Variants in NHS observed in about 807,000 individuals in gnomAD.
NHS encodes actin remodeling regulator NHS.
In NHS, 5 loss-of-function variants were observed where a neutral mutation model predicts 72.5. The observed-to-expected ratio is 0.07, with a 90% confidence interval of 0.04 to 0.14. The LOEUF (loss-of-function observed/expected upper bound fraction) is 0.14, where lower values mean the gene tolerates loss of function less well. Among genes scored for constraint, NHS ranks in the 10% least tolerant of loss-of-function variants. NHS has a pLI of 1.00. For missense variants in NHS, 1,072 were observed against 1,355.7 expected, an observed-to-expected ratio of 0.79 and a Z score of 3.29; for synonymous variants, 464 against 547.7, an observed-to-expected ratio of 0.85 and a Z score of 2.13.
At chrX:17,536,793 A>T (rs1411686278) in intron 1 of NHS, among the ~76,000 whole-genome samples, 1 of 112,416 alleles carries the variant, frequency 8.9e-6, no homozygotes, top group African/African-American at 3.2e-5. Flanking sequence ...TACTGTGTTG[A>T]CTAATCAACA....
intron 3 of NHS, among the ~76,000 whole-genome samples, chrX:17,701,079 G>A (rs1156293600): frequency 4.5e-5 from 5 of 111,878 alleles, no homozygotes; most frequent in Non-Finnish European, 9.4e-5. Flanking sequence ...ACTGTATTCA[G>A]TACAGTAACA....
At chrX:17,457,906 A>G (rs1031834887) in intron 1 of NHS, among the ~76,000 whole-genome samples, 2 of 112,220 alleles carry the variant, frequency 1.8e-5, no homozygotes, top group Non-Finnish European at 3.8e-5. Context: ...TTGATAAGGC[A>G]GAGAAATGCA....
At chrX:17,430,259 T>C (rs866448599) in intron 1 of NHS, among the ~76,000 whole-genome samples, 4 of 51,570 alleles carry the variant, frequency 7.8e-5, no homozygotes, top group African/African-American at 3.3e-4. Context: ...CCCTCTTTCT[T>C]TTTCTTTCTT....
intron 1 of NHS, among the ~76,000 whole-genome samples, chrX:17,667,889 C>T (rs2066022188): frequency 9.1e-6 from 1 of 110,297 alleles, no homozygotes; most frequent in Non-Finnish European, 1.9e-5. Context: ...GACAGTCTCC[C>T]AGCTCCCCTG....
chrX:17,505,339 C>T (rs1569268732), intron 1 of NHS, among the ~76,000 whole-genome samples: 1 of 111,204 alleles, frequency 9.0e-6, no homozygotes, highest in East Asian at 2.8e-4. Flanking sequence ...ATTGCCAGTT[C>T]AAAGGGTGGT....
chrX:17,479,666 A>G (rs766892749), intron 1 of NHS, among the ~76,000 whole-genome samples: 31 of 111,787 alleles, frequency 2.8e-4, no homozygotes, highest in African/African-American at 9.8e-4. Flanking sequence ...GCTTTTTTTC[A>G]TATGTTTGTT....
chrX:17,517,763 G>T (rs759571455), intron 1 of NHS, among the ~76,000 whole-genome samples: 174 of 112,087 alleles, frequency 1.6e-3, no homozygotes, highest in Non-Finnish European at 2.4e-3. Context: ...TTGTAAGAGA[G>T]AGAAAATCCA....
intron 1 of NHS, among the ~76,000 whole-genome samples, chrX:17,670,854 C>A (rs1166391844): frequency 8.9e-6 from 1 of 112,033 alleles, no homozygotes; most frequent in Non-Finnish European, 1.9e-5. Context: ...AAATAACACA[C>A]AAAAAAGTAC....
chrX:17,666,013 G>T lies in NHS; in HGVS notation c.566-21729G>T, dbSNP rs781529244. Among the ~76,000 whole-genome samples, 3 of 111,816 alleles carry T rather than the reference G, an allele frequency of 2.7e-5. No homozygotes were observed. The East Asian group carries it at 8.4e-4, about 31-fold the overall frequency. On this transcript the variant is annotated intron_variant, in intron 1 of 8. Coordinates refer to ENST00000676302, the MANE Select transcript of NHS (RefSeq NM_001291867.2). ...GAGAAGAGATTGGCTAGACAAGGAG[G>T]GGAGTCCTGGGGAAAGAATGGTGTG... is the stretch of plus-strand genomic sequence containing the variant.
chrX:17,375,650 G>A lies in NHS; in HGVS notation c.-108G>A. 1 of 834,963 alleles carries A rather than the reference G, an allele frequency of 1.2e-6. No homozygotes were observed. Among genetic ancestry groups the A allele is most frequent in the East Asian group, 3.6e-5 (1 of 28,138 alleles). 68.8% of individuals were successfully genotyped at this position (834,963 alleles called of 1,213,427 possible). ...CCCTGCGTATCCGGACTGCCAGATCGCGCTTTTGCCGGACTCCTGCCCCCT... is the reference window on the plus strand; with the variant it reads ...CCCTGCGTATCCGGACTGCCAGATCACGCTTTTGCCGGACTCCTGCCCCCT... On this transcript the variant is annotated 5_prime_UTR_variant, in exon 1 of 9. Coordinates refer to ENST00000676302, the MANE Select transcript of NHS (RefSeq NM_001291867.2).
At chrX:17,391,388 A>G (rs745459816) in intron 1 of NHS, among the ~76,000 whole-genome samples, 2 of 112,350 alleles carry the variant, frequency 1.8e-5, no homozygotes, top group East Asian at 5.6e-4. Flanking sequence ...TACTCATTTT[A>G]TAGAGTTGTG....
intron 1 of NHS, among the ~76,000 whole-genome samples, chrX:17,496,295 T>C (rs1191784865): frequency 3.6e-5 from 4 of 110,986 alleles, no homozygotes; most frequent in Non-Finnish European, 7.5e-5. Context: ...GTTTGTGCCA[T>C]TGAATTTTCC....
intron 3 of NHS, among the ~76,000 whole-genome samples, chrX:17,717,988 T>G (rs1269762701): frequency 8.9e-6 from 1 of 111,995 alleles, no homozygotes; most frequent in Non-Finnish European, 1.9e-5. Flanking sequence ...AAAGACATTT[T>G]CACAGATATT....
chrX:17,637,108 A>G (rs945133487), intron 1 of NHS, among the ~76,000 whole-genome samples: 5 of 111,421 alleles, frequency 4.5e-5, no homozygotes, highest in African/African-American at 1.3e-4. Context: ...CAAACCCCCA[A>G]TTCCCCTCAG....
chrX:17,561,541 C>T (rs1440752369), intron 1 of NHS, among the ~76,000 whole-genome samples: 2 of 103,682 alleles, frequency 1.9e-5, no homozygotes, highest in African/African-American at 7.2e-5. Context: ...TTGAGTTCTT[C>T]ACACATGCAA....
At chrX:17,674,857 C>T (rs1169358781) in intron 1 of NHS, among the ~76,000 whole-genome samples, 1 of 111,874 alleles carries the variant, frequency 8.9e-6, no homozygotes, top group Non-Finnish European at 1.9e-5. Context: ...CCAGCTCCTG[C>T]AAGGGCCAGT....
At chrX:17,723,741 G>GTGTGTGTGTGTGTGTGTA (rs1569318224) in intron 5 of NHS, among the ~76,000 whole-genome samples, 83 of 91,961 alleles carry the variant, frequency 9.0e-4, no homozygotes, top group African/African-American at 4.0e-3. Context: ...GTGTGTGTGT[G>GTGTGTGTGTGTGTGTGTA]TGTGTGTGTG....
chrX:17,569,458 A>C (rs1213927253), intron 1 of NHS, among the ~76,000 whole-genome samples: 96 of 110,454 alleles, frequency 8.7e-4, no homozygotes, highest in Non-Finnish European at 1.5e-3. Flanking sequence ...TGGCTGCATA[A>C]ATGTCTTCTT....
intron 1 of NHS, among the ~76,000 whole-genome samples, chrX:17,536,326 G>A (rs1347756995): frequency 1.8e-5 from 2 of 112,733 alleles, no homozygotes; most frequent in Admixed American, 9.3e-5. Context: ...CTGCACTCCA[G>A]CCTGGGCAAC....
Sources: gnomAD v4.1 joint callset for allele counts (sites outside exome capture counted in the v4.1 genomes callset) on GRCh38, gnomAD v4.1.1 for gene constraint, MANE v1.5 for transcripts, NCBI Gene and HGNC (gene_info 2026-07-23, HGNC 2026-07-21) for gene names.